ATP8B4: variants seen among roughly 807,000 people sequenced by gnomAD.
ATP8B4 encodes the protein ATPase phospholipid transporting 8B4 (putative).
In ATP8B4, 133 loss-of-function variants were observed where a neutral mutation model predicts 145.6. That is an observed-to-expected ratio of 0.91 (90% CI 0.79 to 1.05). The LOEUF is 1.05. Among genes scored for constraint, ATP8B4 ranks in the 50% least tolerant of loss-of-function variants. The pLI is 0.00. For synonymous variants in ATP8B4, 507 were observed against 492.9 expected (o/e 1.03, Z -0.38); for missense variants, 1,458 against 1,425.2 (o/e 1.02, Z -0.37).
At chr15:50,016,075 T>C (rs972487541) in intron 6 of ATP8B4, among the ~76,000 whole-genome samples, 8 of 152,350 alleles carry the variant, frequency 5.3e-5, no homozygotes, top group African/African-American at 1.9e-4. Flanking sequence ...CTATTGTGCA[T>C]TATTCAGATG....
At chr15:49,998,609 T>C (rs919715622) in intron 8 of ATP8B4, among the ~76,000 whole-genome samples, 1 of 152,172 alleles carries the variant, frequency 6.6e-6, no homozygotes, top group Non-Finnish European at 1.5e-5. Context: ...CTTGTAAATT[T>C]GTTTGAGTTC....
intron 3 of ATP8B4, among the ~76,000 whole-genome samples, chr15:50,067,179 T>C (rs991367080): frequency 2.0e-5 from 3 of 152,168 alleles, no homozygotes; most frequent in African/African-American, 7.2e-5. Flanking sequence ...TTCCTAAATC[T>C]ACAGCTCCCA....
chr15:50,115,895 C>T (rs1032026888), intron 1 of ATP8B4, among the ~76,000 whole-genome samples: 4 of 152,140 alleles, frequency 2.6e-5, no homozygotes, highest in South Asian at 4.1e-4. Context: ...CTGCAGGTTG[C>T]GGGGAGACAG....
chr15:49,869,172 A>G (rs2033300365), intron 25 of ATP8B4, among the ~76,000 whole-genome samples: 1 of 152,202 alleles, frequency 6.6e-6, no homozygotes, highest in South Asian at 2.1e-4. Flanking sequence ...TCGGCCTCAC[A>G]AAGTGCTAGG....
In ATP8B4 at chr15:50,078,958, A is replaced by T. The variant is rs546022274; in HGVS notation, c.29-4773T>A. Among the ~76,000 whole-genome samples, 10 of 152,364 alleles carry T rather than the reference A, an allele frequency of 6.6e-5. No individual in the cohort carries two copies. In the East Asian group the frequency reaches 1.9e-3, roughly 29 times the overall value. On this transcript the variant is annotated intron_variant, in intron 2 of 27. Transcript: ENST00000284509. ...CATCTCTGCAAAAGTGTTTACAGACAACGACCATCTACAAAACAGCTACTC... is the reference window on the plus strand; with the variant it reads ...CATCTCTGCAAAAGTGTTTACAGACTACGACCATCTACAAAACAGCTACTC...
chr15:50,033,957 C>A lies in ATP8B4; in HGVS notation c.362+4811G>T, dbSNP rs927558761. ...ATATACCACATTTTCTTCATCCAGT[C>A]CATTATTGATGGGCATTTAGGAAGA... On this transcript the variant is annotated intron_variant, in intron 6 of 27. Transcript: ENST00000284509. Among the ~76,000 whole-genome samples, 5 of 152,200 alleles carry A rather than the reference C, an allele frequency of 3.3e-5. No individual in the cohort carries two copies. In the South Asian group the frequency reaches 1.0e-3, roughly 32 times the overall value.
chr15:49,861,424 GTCTGTC>G (rs376690101), intron 27 of ATP8B4, among the ~76,000 whole-genome samples: 31 of 138,398 alleles, frequency 2.2e-4, no homozygotes, highest in Non-Finnish European at 2.2e-4. Context: ...GTGTGTGTGT[GTCTGTC>G]TGTCTGTCTG....
At chr15:50,030,075 T>C (rs1046508555) in intron 6 of ATP8B4, among the ~76,000 whole-genome samples, 1 of 152,220 alleles carries the variant, frequency 6.6e-6, no homozygotes, top group Non-Finnish European at 1.5e-5. Context: ...ATTTCTTCAC[T>C]ATAATATTTT....
rs2037995039 is a variant in ATP8B4 at position 49,901,242 on chromosome 15, T to G, written c.2142-3A>C. 1.9e-6 allele frequency: 3 copies of G among 1,612,406 alleles called. No homozygotes were observed. Among genetic ancestry groups the G allele is most frequent in the Non-Finnish European group, 2.5e-6 (3 of 1,179,048 alleles). The stretch of plus-strand genomic sequence containing the variant: ...CAAACAAATTTTGTTTTGCTTTCCT[T>G]AAAGGAGAGGGTGAAAAGTGAAACA... On this transcript the variant is annotated splice_polypyrimidine_tract_variant and splice_region_variant and intron_variant, in intron 20 of 27. Coordinates refer to ENST00000284509, the MANE Select transcript of ATP8B4 (RefSeq NM_024837.4).
At chr15:49,984,465 C>T (rs1484039581) in intron 10 of ATP8B4, among the ~76,000 whole-genome samples, 1 of 152,090 alleles carries the variant, frequency 6.6e-6, no homozygotes, top group African/African-American at 2.4e-5. Flanking sequence ...GGGCATGTAG[C>T]AAGCAAGCTG....
rs530782172 is a variant in ATP8B4 at position 50,080,516 on chromosome 15, A to T, written c.29-6331T>A. Among the ~76,000 whole-genome samples, 11 of 152,346 alleles carry T rather than the reference A, an allele frequency of 7.2e-5. No homozygotes were observed. In the East Asian group the frequency reaches 2.1e-3, roughly 29 times the overall value. On this transcript the variant is annotated intron_variant, in intron 2 of 27. Transcript: ENST00000284509. ...CTTTCCATTTGGAAAGGAAAGATAC[A>T]GACAGAACATCCAAAAGTGTAATCA...
At chr15:50,035,027 A>G (rs1215001499) in intron 6 of ATP8B4, among the ~76,000 whole-genome samples, 4 of 152,222 alleles carry the variant, frequency 2.6e-5, no homozygotes, top group East Asian at 1.9e-4. Context: ...TACTTTTAAA[A>G]CAAAAGTCAT....
intron 9 of ATP8B4, among the ~76,000 whole-genome samples, chr15:49,988,395 T>A (rs2046800627): frequency 6.6e-6 from 1 of 152,072 alleles, no homozygotes; most frequent in Non-Finnish European, 1.5e-5. Context: ...AAGGTTAAAT[T>A]TTTTATATAT....
intron 2 of ATP8B4, among the ~76,000 whole-genome samples, chr15:50,088,797 C>T (rs1003615505): frequency 4.6e-5 from 7 of 152,068 alleles, no homozygotes; most frequent in Admixed American, 6.6e-5. Flanking sequence ...ACATAATCAA[C>T]GTTCAGTATA....
intron 2 of ATP8B4, among the ~76,000 whole-genome samples, chr15:50,106,302 A>G (rs1325265080): frequency 6.6e-6 from 1 of 152,158 alleles, no homozygotes; most frequent in African/African-American, 2.4e-5. Flanking sequence ...GTCACTGACT[A>G]ACTAGAGACA....
intron 3 of ATP8B4, among the ~76,000 whole-genome samples, chr15:50,052,509 C>A (rs934801817): frequency 2.0e-5 from 3 of 152,204 alleles, no homozygotes; most frequent in Admixed American, 6.5e-5. Flanking sequence ...CACATGTTCC[C>A]TGTGGAAAAT....
At chr15:50,009,662 C>T (rs541205087) in intron 7 of ATP8B4, 3 of 454,894 alleles carry the variant, frequency 6.6e-6, no homozygotes, top group African/African-American at 2.0e-5. Flanking sequence ...GGTATTATTC[C>T]TAATCTTTAA....
chr15:50,104,965 T>C (rs1463734588), intron 2 of ATP8B4, among the ~76,000 whole-genome samples: 2 of 151,756 alleles, frequency 1.3e-5, no homozygotes, highest in East Asian at 1.9e-4. Context: ...CTGGATGGAA[T>C]TGGAGACCAT....
chr15:50,040,768 A>C (rs984273720), intron 5 of ATP8B4, among the ~76,000 whole-genome samples: 1 of 152,176 alleles, frequency 6.6e-6, no homozygotes, highest in Non-Finnish European at 1.5e-5. Flanking sequence ...GAAGGATTAG[A>C]AATGGTAGTT....
Sources: allele counts gnomAD v4.1 joint callset (sites outside exome capture counted in the v4.1 genomes callset), GRCh38; gene constraint gnomAD v4.1.1; transcripts MANE v1.5; gene names NCBI Gene and HGNC (gene_info 2026-07-23, HGNC 2026-07-21).